Variants in MRAS observed in about 807,000 individuals in gnomAD.
MRAS encodes the protein muscle RAS oncogene homolog, also known as ras-related protein M-Ras.
Under a neutral mutation model 20.9 loss-of-function variants are expected in MRAS, and 4 were observed. The observed-to-expected ratio is 0.19, with a 90% CI of 0.09 to 0.44. The LOEUF is 0.44. Among genes scored for constraint, MRAS ranks in the 20% least tolerant of loss-of-function variants. The pLI is 0.99. For synonymous variants in MRAS, 98 were observed against 102.9 expected (o/e 0.95, Z 0.29); for missense variants, 154 against 277.5 (o/e 0.56, Z 3.16).
At chr3:138,363,474 C>T (rs1048502443) in intron 1 of MRAS, among the ~76,000 whole-genome samples, 1 of 152,154 alleles carries the variant, frequency 6.6e-6, no homozygotes, top group African/African-American at 2.4e-5. Context: ...GCCTCCCACT[C>T]CTGTGCTCCT....
At chr3:138,373,869 C>T (rs571229404) in intron 2 of MRAS, among the ~76,000 whole-genome samples, 1 of 126,808 alleles carries the variant, frequency 7.9e-6, no homozygotes, top group Non-Finnish European at 1.7e-5. Flanking sequence ...AACACAGTAT[C>T]TCTTTCCATT....
At chr3:138,359,903 A>G (rs766769346) in intron 1 of MRAS, among the ~76,000 whole-genome samples, 14 of 152,220 alleles carry the variant, frequency 9.2e-5, no homozygotes, top group Non-Finnish European at 1.9e-4. Flanking sequence ...AATGTGTAAA[A>G]CTTTTTCATT....
At chr3:138,353,071 C>A (rs1469578358) in intron 1 of MRAS, among the ~76,000 whole-genome samples, 1 of 152,182 alleles carries the variant, frequency 6.6e-6, no homozygotes, top group Non-Finnish European at 1.5e-5. Context: ...AGTCGAGTCA[C>A]ACCCCGTAGA....
At chr3:138,366,205 T>C (rs1478282453) in intron 1 of MRAS, among the ~76,000 whole-genome samples, 1 of 152,300 alleles carries the variant, frequency 6.6e-6, no homozygotes, top group East Asian at 1.9e-4. Context: ...GCTCCTGGAA[T>C]GCAGAGCCAT....
At chr3:138,400,497 CTG>C in intron 4 of MRAS, 35 bp from the exon 5 acceptor site, 1 of 1,564,122 alleles carries the variant, frequency 6.4e-7, no homozygotes. Context: ...TTGAGGATCT[CTG>C]TGCCACTTTG....
chr3:138,398,388 C>T (rs2055286019), intron 3 of MRAS, 81 bp from the exon 4 acceptor site: 13 of 1,166,928 alleles, frequency 1.1e-5, no homozygotes, highest in Admixed American at 1.7e-5. Flanking sequence ...CTGTGCTATG[C>T]CTGAGATGTG....
intron 1 of MRAS, among the ~76,000 whole-genome samples, chr3:138,367,251 A>C (rs553793357): frequency 6.6e-6 from 1 of 152,252 alleles, no homozygotes; most frequent in East Asian, 1.9e-4. Flanking sequence ...GGGCCCTCCA[A>C]GTTTTTCTCA....
intron 1 of MRAS, among the ~76,000 whole-genome samples, chr3:138,371,531 C>G (rs1029426912): frequency 6.6e-6 from 1 of 152,232 alleles, no homozygotes; most frequent in African/African-American, 2.4e-5. Context: ...CCACCCTCCT[C>G]TCTGTGAGAC....
At chr3:138,386,360 C>T (rs930704170) in intron 2 of MRAS, among the ~76,000 whole-genome samples, 15 of 152,152 alleles carry the variant, frequency 9.9e-5, no homozygotes, top group Non-Finnish European at 8.8e-5. Flanking sequence ...CAGAATGGGA[C>T]GGCACATGGT....
intron 2 of MRAS, among the ~76,000 whole-genome samples, chr3:138,373,887 T>TTATG (rs1403240385): frequency 6.6e-6 from 1 of 150,758 alleles, no homozygotes; most frequent in African/African-American, 2.5e-5. Context: ...ATTTATTTAT[T>TTATG]TATTTATTTA....
chr3:138,363,045 G>T (rs2054482878), intron 1 of MRAS, among the ~76,000 whole-genome samples: 4 of 150,230 alleles, frequency 2.7e-5, no homozygotes, highest in Admixed American at 2.7e-4. Context: ...TGTTTTTTGT[G>T]TTTTTTTTTG....
chr3:138,350,658 G>A (rs932408797), intron 1 of MRAS, among the ~76,000 whole-genome samples: 1 of 152,132 alleles, frequency 6.6e-6, no homozygotes, highest in African/African-American at 2.4e-5. Flanking sequence ...ACCTACATAA[G>A]ACACTTTATG....
At chr3:138,352,052 A>G (rs1236108944) in intron 1 of MRAS, among the ~76,000 whole-genome samples, 2 of 152,216 alleles carry the variant, frequency 1.3e-5, no homozygotes, top group Non-Finnish European at 2.9e-5. Flanking sequence ...GATGGGGGCC[A>G]AGAGTACAAA....
At chr3:138,376,858 A>G (rs992709657) in intron 2 of MRAS, among the ~76,000 whole-genome samples, 6 of 152,226 alleles carry the variant, frequency 3.9e-5, no homozygotes, top group Non-Finnish European at 7.3e-5. Context: ...ATTCTGAACT[A>G]TGTTCCATAG....
At chr3:138,393,613 C>T (rs1420923070) in intron 2 of MRAS, among the ~76,000 whole-genome samples, 1 of 151,948 alleles carries the variant, frequency 6.6e-6, no homozygotes, top group East Asian at 1.9e-4. Flanking sequence ...TCCTAGATCT[C>T]TAGTTTCCAT....
At position 138,397,214 on chromosome 3, in the gene MRAS, C is replaced by G. The variant is rs184174526; in HGVS notation, c.194-110C>G. The G allele has an allele frequency of 3.2e-3, 4,212 of 1,334,390 alleles. 6 individuals carry two copies. The highest frequency in any genetic ancestry group is 3.8e-3 in the Non-Finnish European group (3,732 of 972,144). The allele number at this position is 1,334,390 out of a possible 1,614,324, so 82.7% of individuals were successfully genotyped here. Reference sequence around the variant, plus strand: ...TTATGCAGCCTCTCACGGGACAGCTCGGACTGGGCCACGGTAGGGACAGCA... The same window carrying G: ...TTATGCAGCCTCTCACGGGACAGCTGGGACTGGGCCACGGTAGGGACAGCA... On this transcript the variant is annotated intron_variant, in intron 2 of 5. Transcript: ENST00000423968.
At chr3:138,392,443 G>A (rs936964303) in intron 2 of MRAS, among the ~76,000 whole-genome samples, 1 of 152,160 alleles carries the variant, frequency 6.6e-6, no homozygotes, top group Non-Finnish European at 1.5e-5. Flanking sequence ...ATTTAAGAGA[G>A]GCCTCTTCAA....
chr3:138,368,280 G>A (rs2108513356), intron 1 of MRAS, among the ~76,000 whole-genome samples: 1 of 152,348 alleles, frequency 6.6e-6, no homozygotes, highest in Middle Eastern at 3.4e-3. Flanking sequence ...GTGTGTGTGT[G>A]TGTGAGTGTG....
rs2055393186 is a variant in MRAS, at chr3:138,403,113, ATAAAC to A, written c.*849_*853del. The A allele has an allele frequency of 6.6e-6, 1 of 152,224 alleles. No individual in the cohort carries two copies. The highest frequency in any genetic ancestry group is 1.5e-5 in the Non-Finnish European group (1 of 68,034). The allele number at this position is 152,224 out of a possible 1,614,324, so 9.4% of individuals were successfully genotyped here. On this transcript the variant is annotated 3_prime_UTR_variant, in exon 6 of 6. Transcript: ENST00000423968. The stretch of plus-strand genomic sequence containing the variant: ...GGGGTTTTCATTATCCTGGAAATGT[ATAAAC>A]TAAAGTAAGCTGATTGGCTTTGCAA...
Sources: allele counts gnomAD v4.1 joint callset (sites outside exome capture counted in the v4.1 genomes callset), GRCh38; gene constraint gnomAD v4.1.1; transcripts MANE v1.5; gene names NCBI Gene and HGNC (gene_info 2026-07-23, HGNC 2026-07-21).